CFAP53: variants seen among roughly 807,000 people sequenced by gnomAD.
The protein encoded by CFAP53 is cilia and flagella associated protein 53.
Under a neutral mutation model 59.7 loss-of-function variants are expected in CFAP53, and 62 were observed. That is an observed-to-expected ratio of 1.04 (90% CI 0.85 to 1.28). CFAP53 has a LOEUF of 1.28. Among genes scored for constraint, CFAP53 ranks in the 50% most tolerant of loss-of-function variants. CFAP53 has a pLI of 0.00. For missense variants in CFAP53, 629 were observed against 615.6 expected (o/e 1.02, Z -0.23); for synonymous variants, 218 against 205.7 (o/e 1.06, Z -0.51).
intron 5 of CFAP53, among the ~76,000 whole-genome samples, chr18:50,249,608 GA>G (rs2033778903): frequency 6.6e-6 from 1 of 152,058 alleles, no homozygotes; most frequent in South Asian, 2.1e-4. Context: ...TATGCTAAGT[GA>G]AAAAGGCTAT....
At chr18:50,251,891 C>G in intron 3 of CFAP53, 107 bp from the exon 4 acceptor site, 1 of 989,094 alleles carries the variant, frequency 1.0e-6, no homozygotes, top group East Asian at 2.4e-5. Flanking sequence ...AATCAGAGAC[C>G]TGGATGCAGG....
rs370197207 is a variant in CFAP53 at position 50,251,614 on chromosome 18, C to T, written c.644G>A (p.Arg215Gln). Reference protein sequence around the residue: ...WEEDRLAKEKREAQEARRQKE... With the variant: ...WEEDRLAKEKQEAQEARRQKE... ...CTGTCTCCTCGCCTCTTGGGCTTCT[C>T]GCTTTTCCTTGGCTAATCGGTCTTC... Residue 215 changes from arginine to glutamine, a missense_variant, in exon 4 of 8, where the codon CGA becomes CAA. Transcript: ENST00000398545. 107 of 1,614,106 alleles carry T rather than the reference C, an allele frequency of 6.6e-5. No homozygotes were observed. The highest frequency in any genetic ancestry group is 8.3e-5 in the Admixed American group (5 of 60,006).
intron 7 of CFAP53, among the ~76,000 whole-genome samples, chr18:50,237,703 A>G (rs768360): frequency 0.33 from 49,809 of 151,666 alleles, 8,546 homozygotes; most frequent in African/African-American, 0.43. Flanking sequence ...CTGAGATGGT[A>G]TAAGAAAAAC....
intron 4 of CFAP53, 49 bp downstream of exon 4, chr18:50,251,430 TAC>T: frequency 6.6e-7 from 1 of 1,511,454 alleles, no homozygotes; most frequent in Non-Finnish European, 9.0e-7. Context: ...CTGCAAACTG[TAC>T]TACACCCATG....
Position 50,266,481 on chromosome 18 carries a change from G to A in CFAP53, c.-77C>T. ...GTGGCGACCTGCGGGACCCGCTTCC[G>A]CGACGCAGAAGTCTGGTTGCCATGG... is the stretch of plus-strand genomic sequence containing the variant. On this transcript the variant is annotated 5_prime_UTR_variant, in exon 1 of 8. Transcript: ENST00000398545. 7 of 1,441,554 alleles carry A rather than the reference G, an allele frequency of 4.9e-6. No individual in the cohort carries two copies. The highest frequency in any genetic ancestry group is 6.8e-6 in the Non-Finnish European group (7 of 1,023,112). 89.3% of individuals were successfully genotyped at this position (1,441,554 alleles called of 1,614,324 possible). A position where few individuals can be genotyped will look rare whatever the true frequency, so the allele number is the denominator to read the frequency against.
intron 7 of CFAP53, among the ~76,000 whole-genome samples, chr18:50,233,679 C>T (rs2033603668): frequency 6.6e-6 from 1 of 152,218 alleles, no homozygotes; most frequent in Non-Finnish European, 1.5e-5. Context: ...CTATTGCCTC[C>T]ATGGCTGGAG....
chr18:50,264,401 T>C (rs1040155167), intron 1 of CFAP53, among the ~76,000 whole-genome samples: 4 of 152,216 alleles, frequency 2.6e-5, no homozygotes, highest in South Asian at 2.1e-4. Context: ...CCATTACTAA[T>C]TGAATGGAGC....
At position 50,227,426 on chromosome 18, in the gene CFAP53, G is replaced by A; in HGVS notation, c.1500C>T (p.Asn500=). The A allele has an allele frequency of 1.9e-6, 3 of 1,614,202 alleles. No homozygotes were observed. Among genetic ancestry groups the A allele is most frequent in the East Asian group, 4.5e-5 (2 of 44,886 alleles). The stretch of plus-strand genomic sequence containing the variant: ...GGCATGCCTTGCGCATGGGATGAAT[G>A]TTTTGAGGCAGCACTTGATGGGTGG... ...VLSTHQVLPQ[N]IHPMRKACPS... The change falls in exon 8 of 8, where the codon AAC becomes AAT. Residue 500 remains asparagine, a synonymous_variant. Coordinates refer to ENST00000398545, the MANE Select transcript of CFAP53 (RefSeq NM_145020.5).
At position 50,236,191 on chromosome 18, in the gene CFAP53, A is replaced by C. The variant is rs147956513; in HGVS notation, c.1316+2412T>G. ...CCCTGCTACCTTGGTGTTATCAAGT[A>C]GCCCAAGAACCATCCTATAAAATCT... is the stretch of plus-strand genomic sequence containing the variant. On this transcript the variant is annotated intron_variant, in intron 7 of 7. Coordinates refer to ENST00000398545, the MANE Select transcript of CFAP53 (RefSeq NM_145020.5). Among the ~76,000 whole-genome samples the C allele has an allele frequency of 5.7e-4, 87 of 152,320 alleles. 2 individuals carry two copies. In the East Asian group the frequency reaches 0.014, roughly 24 times the overall value.
At position 50,227,223 on chromosome 18, in the gene CFAP53, T is replaced by A. The variant is rs2033531906; in HGVS notation, c.*158A>T. On this transcript the variant is annotated 3_prime_UTR_variant, in exon 8 of 8. Transcript: ENST00000398545. Reference sequence around the variant, plus strand: ...ATTTGTAAGTCTGTGAACTCCAAAATAGGCACAGGTTTATTCAAAGGAAGA... The same window carrying A: ...ATTTGTAAGTCTGTGAACTCCAAAAAAGGCACAGGTTTATTCAAAGGAAGA... 1.7e-6 allele frequency: 1 copy of A among 603,896 alleles called. No individual in the cohort carries two copies. The highest frequency in any genetic ancestry group is 2.3e-5 in the South Asian group (1 of 43,222). The allele number at this position is 603,896 out of a possible 1,614,324, so 37.4% of individuals were successfully genotyped here. A position where few individuals can be genotyped will look rare whatever the true frequency, so the allele number is the denominator to read the frequency against.
At chr18:50,247,980 G>T (rs1002361882) in intron 5 of CFAP53, among the ~76,000 whole-genome samples, 3 of 151,952 alleles carry the variant, frequency 2.0e-5, no homozygotes, top group Non-Finnish European at 2.9e-5. Context: ...ATTTAAATGT[G>T]AACAAAAAAC....
At chr18:50,237,286 C>T (rs1350339709) in intron 7 of CFAP53, among the ~76,000 whole-genome samples, 1 of 98,126 alleles carries the variant, frequency 1.0e-5, no homozygotes, top group Non-Finnish European at 1.9e-5. Flanking sequence ...GCCTAGGTGA[C>T]AGAGCAAGAC....
rs201388212 is a variant in CFAP53, at chr18:50,251,458, T to C, written c.777+23A>G. ...TACACCCATGGCGTTGATCACCCTC[T>C]AACAAGCATTTTAAAGGCCCACCAC... On this transcript the variant is annotated intron_variant, in intron 4 of 7. Transcript: ENST00000398545. 1.6e-4 allele frequency: 264 copies of C among 1,601,378 alleles called. 1 individual carries two copies. The highest frequency in any genetic ancestry group is 2.2e-4 in the Non-Finnish European group (262 of 1,174,880).
At chr18:50,259,321 G>A (rs2033871067) in intron 3 of CFAP53, among the ~76,000 whole-genome samples, 1 of 152,104 alleles carries the variant, frequency 6.6e-6, no homozygotes, top group South Asian at 2.1e-4. Context: ...GGAACTGGAG[G>A]TCATTATGTT....
In CFAP53 at chr18:50,238,680, T is replaced by C; in HGVS notation, c.1239A>G (p.Glu413=). ...EKLQREAKEQ[E]ERAMEQKHIN... Reference sequence around the variant, plus strand: ...TGTGTTTCTGTTCCATAGCACGTTCTTCCTGTTCTTTAGCTTCTCGTTGCA... The same window carrying C: ...TGTGTTTCTGTTCCATAGCACGTTCCTCCTGTTCTTTAGCTTCTCGTTGCA... Residue 413 remains glutamate (E), a synonymous_variant, in exon 7 of 8, where the codon GAA becomes GAG. Transcript: ENST00000398545. The C allele has an allele frequency of 6.2e-7, 1 of 1,611,380 alleles. No homozygotes were observed. Among genetic ancestry groups the C allele is most frequent in the Non-Finnish European group, 8.5e-7 (1 of 1,178,874 alleles).
At position 50,237,072 on chromosome 18, in the gene CFAP53, C is replaced by T. The variant is rs542984684; in HGVS notation, c.1316+1531G>A. Among the ~76,000 whole-genome samples the T allele has an allele frequency of 1.3e-4, 20 of 150,982 alleles. No individual in the cohort carries two copies. The South Asian group carries it at 1.5e-3, about 11-fold the overall frequency. ...CTGTAATCCCAGCACTTTGGGAGTC[C>T]GAGGTGGGTGGATCACGAGGTCAGG... On this transcript the variant is annotated intron_variant, in intron 7 of 7. Coordinates refer to ENST00000398545, the MANE Select transcript of CFAP53 (RefSeq NM_145020.5).
chr18:50,258,433 A>G (rs2033863728), intron 3 of CFAP53, among the ~76,000 whole-genome samples: 1 of 152,236 alleles, frequency 6.6e-6, no homozygotes, highest in Non-Finnish European at 1.5e-5. Flanking sequence ...CCTATCTTTC[A>G]TCATATGCAA....
In CFAP53 at chr18:50,266,429, G is replaced by C. The variant is rs753101353; in HGVS notation, c.-25C>G. The C allele has an allele frequency of 6.2e-7, 1 of 1,612,430 alleles. No individual in the cohort carries two copies. Among genetic ancestry groups the C allele is most frequent in the Non-Finnish European group, 8.5e-7 (1 of 1,178,510 alleles). On this transcript the variant is annotated 5_prime_UTR_variant, in exon 1 of 8. Transcript: ENST00000398545. ...TTTTCGAGTCCCCTTCGGGACGGGG[G>C]CGGCGTCCGCCGCGTTTCCCCCAAC...
In CFAP53 at chr18:50,250,938, C is replaced by G; in HGVS notation, c.816G>C (p.Gln272His). 3 of 1,614,130 alleles carry G rather than the reference C, an allele frequency of 1.9e-6. No individual in the cohort carries two copies. Among genetic ancestry groups the G allele is most frequent in the Non-Finnish European group, 2.5e-6 (3 of 1,180,036 alleles). ...TTGCCTTCTGTTTCTTTAGCATATC[C>G]TGTTCATTCTCATGTTTAATCTGTG... The part of the protein sequence containing the change: ...NNAQIKHENE[Q>H]DMLKKQKAKQ... Residue 272 changes from glutamine to histidine, a missense_variant, in exon 5 of 8, where the codon CAG becomes CAC. Physicochemically the swap from Gln to His is conservative, Grantham distance 24 (BLOSUM62 0). Transcript: ENST00000398545.
Sources: allele counts gnomAD v4.1 joint callset (sites outside exome capture counted in the v4.1 genomes callset), GRCh38; gene constraint gnomAD v4.1.1; transcripts MANE v1.5; gene names NCBI Gene and HGNC (gene_info 2026-07-23, HGNC 2026-07-21).